The following BCR variants were observed in gnomAD, a reference collection of about 807,000 sequenced individuals.
BCR encodes BCR activator of RhoGEF and GTPase.
A neutral mutation model predicts 138.6 loss-of-function variants in BCR; 58 were observed. The ratio of observed to expected loss-of-function variants is 0.42; its 90% CI spans 0.34 to 0.52. The LOEUF (loss-of-function observed/expected upper bound fraction) is 0.52, where lower values mean the gene tolerates loss of function less well. Ranked by LOEUF, BCR falls within the 20% of genes least tolerant of loss-of-function variation. The pLI, the probability that BCR is intolerant of heterozygous loss-of-function variation, is 0.06. For missense variants in BCR, 1,599 were observed against 1,727.2 expected (o/e 0.93, Z 1.32); for synonymous variants, 786 against 730.1 (o/e 1.08, Z -1.23).
intron 1 of BCR, among the ~76,000 whole-genome samples, chr22:23,203,871 T>A (rs530699713): frequency 6.6e-6 from 1 of 152,224 alleles, no homozygotes; most frequent in African/African-American, 2.4e-5. Context: ...TTGGCTTTCA[T>A]TGAAGCTCCA....
intron 5 of BCR, among the ~76,000 whole-genome samples, chr22:23,269,360 C>T (rs2073483188): frequency 6.6e-6 from 1 of 152,224 alleles, no homozygotes; most frequent in Non-Finnish European, 1.5e-5. Context: ...ACTTGGCTTT[C>T]CCCCACCCAG....
At position 23,232,994 on chromosome 22, in the gene BCR, A is replaced by G. The variant is rs1015878927; in HGVS notation, c.1280-20805A>G. On this transcript the variant is annotated intron_variant, in intron 1 of 22. Transcript: ENST00000305877. The stretch of plus-strand genomic sequence containing the variant: ...GGTGGGGGATCGCATTGAGGGAAGA[A>G]AAGGTGCTCTAATAGCTTCAGCCTG... Among the ~76,000 whole-genome samples, 4 of 152,182 alleles carry G rather than the reference A, an allele frequency of 2.6e-5. No homozygotes were observed. The South Asian group carries it at 8.3e-4, about 32-fold the overall frequency.
intron 8 of BCR, among the ~76,000 whole-genome samples, chr22:23,279,808 C>G (rs900386673): frequency 6.6e-6 from 1 of 152,196 alleles, no homozygotes; most frequent in South Asian, 2.1e-4. Flanking sequence ...ATGTCGTAGT[C>G]GGTTCAGGCT....
intron 7 of BCR, 48 bp from the exon 8 acceptor site, chr22:23,273,586 G>A (rs1230785899): frequency 6.2e-7 from 1 of 1,610,230 alleles, no homozygotes; most frequent in African/African-American, 1.3e-5. Context: ...ACAGTGGCAG[G>A]TGCCAGTGCT....
At chr22:23,221,339 C>T (rs1344622079) in intron 1 of BCR, among the ~76,000 whole-genome samples, 1 of 152,150 alleles carries the variant, frequency 6.6e-6, no homozygotes, top group Non-Finnish European at 1.5e-5. Flanking sequence ...GTCTCAGCAC[C>T]TCTGAAAGGT....
At position 23,260,972 on chromosome 22, in the gene BCR, G is replaced by C; in HGVS notation, c.1484G>C (p.Gly495Ala). The C allele has an allele frequency of 6.2e-7, 1 of 1,614,020 alleles. No homozygotes were observed. Among genetic ancestry groups the C allele is most frequent in the Non-Finnish European group, 8.5e-7 (1 of 1,180,000 alleles). Residue 495 changes from glycine (G) to alanine (A), a missense_variant, in exon 3 of 23, where the codon GGC (glycine) becomes GCC (alanine). Coordinates refer to ENST00000305877, the MANE Select transcript of BCR (RefSeq NM_004327.4). ...CAGAGTGAGCTGGACTTGGAAAAGGGCTTGGAGATGAGAAAATGGGTCCTG... is the reference window on the plus strand; with the variant it reads ...CAGAGTGAGCTGGACTTGGAAAAGGCCTTGGAGATGAGAAAATGGGTCCTG... ...TKASELDLEK[G>A]LEMRKWVLSG...
chr22:23,207,302 G>A (rs1342868360), intron 1 of BCR, among the ~76,000 whole-genome samples: 1 of 152,144 alleles, frequency 6.6e-6, no homozygotes, highest in African/African-American at 2.4e-5. Context: ...GTTAGCAGAA[G>A]GAAGACATTA....
intron 9 of BCR, among the ~76,000 whole-genome samples, chr22:23,284,510 C>A (rs955066212): frequency 6.6e-6 from 1 of 152,140 alleles, no homozygotes; most frequent in Non-Finnish European, 1.5e-5. Flanking sequence ...TGGGTTCACC[C>A]AGGTTGCACC....
At chr22:23,213,373 G>A (rs2072709728) in intron 1 of BCR, among the ~76,000 whole-genome samples, 1 of 152,210 alleles carries the variant, frequency 6.6e-6, no homozygotes, top group Admixed American at 6.5e-5. Context: ...TGAGAGGTGT[G>A]GAGAGTCGTT....
rs139707812 is a variant in BCR at position 23,315,633 on chromosome 22, G to T, written c.*111G>T. On this transcript the variant is annotated 3_prime_UTR_variant, in exon 23 of 23. Transcript: ENST00000305877. ...AGGTGTCCTTGGGCCACCCCCAAGTGTTGGGCCATCTGCCAAGAGACAGCG... is the reference window on the plus strand; with the variant it reads ...AGGTGTCCTTGGGCCACCCCCAAGTTTTGGGCCATCTGCCAAGAGACAGCG... 7.6e-4 allele frequency: 779 copies of T among 1,027,220 alleles called. 2 individuals are homozygous for T. In the African/African-American group the frequency reaches 0.011, roughly 15 times the overall value. 63.6% of individuals were successfully genotyped at this position (1,027,220 alleles called of 1,614,324 possible).
intron 16 of BCR, among the ~76,000 whole-genome samples, chr22:23,296,867 C>T (rs2073850626): frequency 6.6e-6 from 1 of 152,158 alleles, no homozygotes; most frequent in South Asian, 2.1e-4. Flanking sequence ...TGTGGATTCT[C>T]ATGGTGGGAG....
Position 23,219,223 on chromosome 22 carries a change from A to G in BCR, c.1280-34576A>G, listed in dbSNP as rs574986481. ...GGTGGGGTGTGTCTTCCAACTGGGT[A>G]GGTGCTTCTCAAGGCTGAAAATTCC... is the stretch of plus-strand genomic sequence containing the variant. On this transcript the variant is annotated intron_variant, in intron 1 of 22. Transcript: ENST00000305877. 4.6e-5 allele frequency among the ~76,000 whole-genome samples: 7 copies of G among 152,336 alleles called. No individual in the cohort carries two copies. In the East Asian group the frequency reaches 1.4e-3, roughly 29 times the overall value.
intron 18 of BCR, 90 bp from the exon 19 acceptor site, chr22:23,311,607 A>G: frequency 3.4e-6 from 4 of 1,172,896 alleles, no homozygotes; most frequent in Non-Finnish European, 4.9e-6. Context: ...TCCTCACCCC[A>G]CCTCCGGGTG....
At chr22:23,305,908 C>G (rs922454997) in intron 16 of BCR, among the ~76,000 whole-genome samples, 8 of 152,104 alleles carry the variant, frequency 5.3e-5, no homozygotes, top group African/African-American at 1.9e-4. Context: ...AACTGTTTCC[C>G]CCTTGGTCAT....
intron 6 of BCR, among the ~76,000 whole-genome samples, chr22:23,272,078 A>G (rs960865993): frequency 6.6e-6 from 1 of 152,168 alleles, no homozygotes; most frequent in African/African-American, 2.4e-5. Context: ...TTGGCCTCCC[A>G]AAGTGCTGGG....
intron 5 of BCR, among the ~76,000 whole-genome samples, chr22:23,269,103 T>C (rs1467273918): frequency 6.6e-6 from 1 of 152,202 alleles, no homozygotes; most frequent in Non-Finnish European, 1.5e-5. Context: ...CCTCAAACCA[T>C]GTGGTGTTAG....
intron 8 of BCR, among the ~76,000 whole-genome samples, chr22:23,276,477 C>T (rs1205058972): frequency 6.6e-6 from 1 of 152,102 alleles, no homozygotes; most frequent in Admixed American, 6.5e-5. Context: ...CCCAGGACCT[C>T]GCCCTGGTGG....
chr22:23,182,162 A>G lies in BCR; in HGVS notation c.1202A>G (p.Glu401Gly), dbSNP rs769276337. Residue 401 changes from glutamate (E) to glycine (G), a missense_variant, in exon 1 of 23, where the codon GAG (glutamate) becomes GGG (glycine). This residue lies in a region of BCR where 806 missense variants were observed against 635.0 expected (regional missense o/e 1.27). Coordinates refer to ENST00000305877, the MANE Select transcript of BCR (RefSeq NM_004327.4). ...RHRHCPVVVSEATIVGVRKTG... is the reference protein window; with the variant it reads ...RHRHCPVVVSGATIVGVRKTG... ...CGGCACTGCCCGGTTGTCGTGTCCG[A>G]GGCCACCATCGTGGGCGTCCGCAAG... The G allele has an allele frequency of 4.4e-6, 7 of 1,607,364 alleles. No homozygotes were observed. In the South Asian group the frequency reaches 6.6e-5, roughly 15 times the overall value.
chr22:23,197,998 C>T (rs530763279), intron 1 of BCR, among the ~76,000 whole-genome samples: 9 of 151,988 alleles, frequency 5.9e-5, no homozygotes, highest in East Asian at 1.9e-4. Flanking sequence ...GCGTGGGTTG[C>T]GGAGGGTGTG....
Sources: gnomAD v4.1 joint callset for allele counts (sites outside exome capture counted in the v4.1 genomes callset) on GRCh38, gnomAD v4.1.1 for gene constraint, gnomAD v4.1.1 regional missense constraint, MANE v1.5 for transcripts, NCBI Gene and HGNC (gene_info 2026-07-23, HGNC 2026-07-21) for gene names.